ADAMTS2: variants seen among roughly 807,000 people sequenced by gnomAD.
ADAMTS2 encodes A disintegrin and metalloproteinase with thrombospondin motifs 2.
ADAMTS2 carries 50 observed loss-of-function variants against 123.0 expected under a neutral mutation model. The observed-to-expected ratio is 0.41, with a 90% CI of 0.32 to 0.51. The LOEUF (loss-of-function observed/expected upper bound fraction) is 0.51. Among genes scored for constraint, ADAMTS2 ranks in the 20% least tolerant of loss-of-function variants. ADAMTS2 has a pLI of 0.35. For synonymous variants in ADAMTS2, 678 were observed against 695.4 expected (o/e 0.98, Z 0.39); for missense variants, 1,494 against 1,705.2 (o/e 0.88, Z 2.18).
intron 20 of ADAMTS2, 113 bp downstream of exon 20, chr5:179,122,531 T>C (rs1293432665): frequency 2.8e-6 from 4 of 1,435,162 alleles, no homozygotes; most frequent in Non-Finnish European, 2.8e-6. Flanking sequence ...CTCACAGATG[T>C]TGAGTCCAGC....
intron 2 of ADAMTS2, among the ~76,000 whole-genome samples, chr5:179,330,132 CAAAAAAAAA>C (rs58696442): frequency 3.1e-5 from 3 of 96,880 alleles, no homozygotes; most frequent in Non-Finnish European, 4.2e-5. Flanking sequence ...GACTCCGTCT[CAAAAAAAAA>C]AAAAAAAAAA....
At chr5:179,172,497 G>A (rs545944507) in intron 5 of ADAMTS2, among the ~76,000 whole-genome samples, 19 of 152,368 alleles carry the variant, frequency 1.2e-4, no homozygotes, top group African/African-American at 3.1e-4. Context: ...ACCCAGGGGC[G>A]TGGGCTTCTC....
rs191728037 is a variant in ADAMTS2, at chr5:179,253,953, C to T, written c.688+18958G>A. Among the ~76,000 whole-genome samples the T allele has an allele frequency of 1.1e-4, 16 of 152,324 alleles. No homozygotes were observed. The East Asian group carries it at 2.7e-3, about 26-fold the overall frequency. On this transcript the variant is annotated intron_variant, in intron 3 of 21. Coordinates refer to ENST00000251582, the MANE Select transcript of ADAMTS2 (RefSeq NM_014244.5). Reference sequence around the variant, plus strand: ...TGCTGCTGTGTCCTGCACTACTCCACATTTCCCAGTTCAGAGGTGATCGGA... The same window carrying T: ...TGCTGCTGTGTCCTGCACTACTCCATATTTCCCAGTTCAGAGGTGATCGGA...
chr5:179,336,544 T>C (rs951053974), intron 2 of ADAMTS2, among the ~76,000 whole-genome samples: 24 of 151,604 alleles, frequency 1.6e-4, no homozygotes, highest in Admixed American at 9.8e-4. Flanking sequence ...AGGCACAGAG[T>C]TGCAGTTTAA....
At position 179,129,627 on chromosome 5, in the gene ADAMTS2, A is replaced by AG. The variant is rs1762924929; in HGVS notation, c.2457+304dup. On this transcript the variant is annotated intron_variant, in intron 16 of 21. Transcript: ENST00000251582. This position sits in a 1 kb window ranked among gnomAD's most constrained non-coding sequence, Gnocchi z 4.1. ...AGAGTGTCACCGATTCCAATGTAACAGCACACTCGAACGAGCATGCTGATG... is the reference window on the plus strand; with the variant it reads ...AGAGTGTCACCGATTCCAATGTAACAGGCACACTCGAACGAGCATGCTGATG... Among the ~76,000 whole-genome samples the AG allele has an allele frequency of 6.6e-6, 1 of 152,142 alleles. No homozygotes were observed. The highest frequency in any genetic ancestry group is 2.4e-5 in the African/African-American group (1 of 41,446).
At chr5:179,250,900 A>G (rs1765906386) in intron 3 of ADAMTS2, among the ~76,000 whole-genome samples, 1 of 152,216 alleles carries the variant, frequency 6.6e-6, no homozygotes, top group African/African-American at 2.4e-5. Flanking sequence ...TCCTGCCCGC[A>G]CATTGCTTCC....
In ADAMTS2 at chr5:179,345,257, C is replaced by CA; in HGVS notation, c.71_72insT (p.Pro25AlafsTer41). Reference sequence around the variant, plus strand: ...GCGGCGGCGGCGGCAGGAGCGGCGGCGGCAGCAGCAGCAGCAGCAGCAGCA... The same window carrying CA: ...GCGGCGGCGGCGGCAGGAGCGGCGGCAGGCAGCAGCAGCAGCAGCAGCAGCA... On this transcript the variant is annotated frameshift_variant, in exon 1 of 22. Coordinates refer to ENST00000251582, the MANE Select transcript of ADAMTS2 (RefSeq NM_014244.5). LOFTEE classifies it high-confidence loss of function. The surrounding 1 kb of genome is among the most constrained non-coding windows in gnomAD (Gnocchi z 7.5). 1 of 1,149,474 alleles carries CA rather than the reference C, an allele frequency of 8.7e-7. No homozygotes were observed. The highest frequency in any genetic ancestry group is 4.2e-5 in the South Asian group (1 of 23,930). The allele number at this position is 1,149,474 out of a possible 1,614,324, so 71.2% of individuals were successfully genotyped here.
At chr5:179,300,328 T>C (rs1419690096) in intron 2 of ADAMTS2, among the ~76,000 whole-genome samples, 1 of 152,214 alleles carries the variant, frequency 6.6e-6, no homozygotes, top group Non-Finnish European at 1.5e-5. Context: ...GATTTCATGG[T>C]TTTTGCTTTC....
At chr5:179,238,594 A>T (rs1192271210) in intron 3 of ADAMTS2, among the ~76,000 whole-genome samples, 1 of 152,040 alleles carries the variant, frequency 6.6e-6, no homozygotes, top group African/African-American at 2.4e-5. Context: ...GGGTGAGCTG[A>T]GGGTGTCTAG....
chr5:179,329,326 C>CAAAAAAAAAAAA (rs79153534), intron 2 of ADAMTS2, among the ~76,000 whole-genome samples: 1 of 85,720 alleles, frequency 1.2e-5, no homozygotes, highest in African/African-American at 3.8e-5. Context: ...GACTCCGTCT[C>CAAAAAAAAAAAA]AAAAAAAAAA....
Position 179,308,410 on chromosome 5 carries a change from G to A in ADAMTS2, c.535-35346C>T, listed in dbSNP as rs1350726763. On this transcript the variant is annotated intron_variant, in intron 2 of 21. Coordinates refer to ENST00000251582, the MANE Select transcript of ADAMTS2 (RefSeq NM_014244.5). This position sits in a 1 kb window ranked among gnomAD's most constrained non-coding sequence, Gnocchi z 6.6. ...GAAAGGTCACGCACGCCAGCTGGAA[G>A]GGGAGCCGCGCAGCCCCTGGGCAGG... 6.6e-6 allele frequency among the ~76,000 whole-genome samples: 1 copy of A among 152,174 alleles called. No individual in the cohort carries two copies. Among genetic ancestry groups the A allele is most frequent in the Non-Finnish European group, 1.5e-5 (1 of 68,024 alleles).
At position 179,260,320 on chromosome 5, in the gene ADAMTS2, C is replaced by A. The variant is rs1016042687; in HGVS notation, c.688+12591G>T. ...TATTCTTTCTTTTCACGGATATTTA[C>A]GCACCAACCGTGTGCCAGGCATTCC... On this transcript the variant is annotated intron_variant, in intron 3 of 21. Coordinates refer to ENST00000251582, the MANE Select transcript of ADAMTS2 (RefSeq NM_014244.5). This position sits in a 1 kb window ranked among gnomAD's most constrained non-coding sequence, Gnocchi z 4.2. 1.3e-5 allele frequency among the ~76,000 whole-genome samples: 2 copies of A among 152,218 alleles called. No individual in the cohort carries two copies. The highest frequency in any genetic ancestry group is 1.3e-4 in the Admixed American group (2 of 15,286).
At chr5:179,320,418 C>G (rs1757133032) in intron 2 of ADAMTS2, among the ~76,000 whole-genome samples, 1 of 152,222 alleles carries the variant, frequency 6.6e-6, no homozygotes, top group Non-Finnish European at 1.5e-5. Context: ...CACCATTTTC[C>G]TGCCTCAGCC....
In ADAMTS2 at chr5:179,128,583, G is replaced by A. The variant is rs1762902110; in HGVS notation, c.2458-465C>T. The stretch of plus-strand genomic sequence containing the variant: ...AATTTTTGTATTTTTAGTAGAGACA[G>A]GGCTTCCCCATGTTGGCCAGGCTGG... On this transcript the variant is annotated intron_variant, in intron 16 of 21. Transcript: ENST00000251582. This position sits in a 1 kb window ranked among gnomAD's most constrained non-coding sequence, Gnocchi z 4.9. Among the ~76,000 whole-genome samples, 1 of 152,086 alleles carries A rather than the reference G, an allele frequency of 6.6e-6. No individual in the cohort carries two copies. The highest frequency in any genetic ancestry group is 6.6e-5 in the Admixed American group (1 of 15,262).
At chr5:179,168,516 C>T (rs1763754873) in intron 5 of ADAMTS2, among the ~76,000 whole-genome samples, 1 of 152,202 alleles carries the variant, frequency 6.6e-6, no homozygotes, top group Non-Finnish European at 1.5e-5. Context: ...GGGGTGAGGG[C>T]ATAAAGTCAC....
chr5:179,156,961 CTTTTTTT>C (rs70997667), intron 6 of ADAMTS2, among the ~76,000 whole-genome samples: 60 of 108,390 alleles, frequency 5.5e-4, no homozygotes, highest in Non-Finnish European at 9.1e-4. Flanking sequence ...TTCATTTTTT[CTTTTTTT>C]TTTTTTTTTT....
intron 3 of ADAMTS2, among the ~76,000 whole-genome samples, chr5:179,211,133 A>G (rs1463473666): frequency 6.6e-6 from 1 of 152,214 alleles, no homozygotes; most frequent in Non-Finnish European, 1.5e-5. Context: ...CCTCCAAGGC[A>G]GAAGAGGGCT....
chr5:179,137,098 G>A (rs965282165), intron 12 of ADAMTS2, among the ~76,000 whole-genome samples: 5 of 152,140 alleles, frequency 3.3e-5, no homozygotes, highest in South Asian at 2.1e-4. Context: ...CAACTAAAAC[G>A]CTGGGCCCCC....
At position 179,111,308 on chromosome 5, in the gene ADAMTS2, C is replaced by T. The variant is rs1414080851; in HGVS notation, c.*2559G>A. On this transcript the variant is annotated 3_prime_UTR_variant, in exon 22 of 22. Coordinates refer to ENST00000251582, the MANE Select transcript of ADAMTS2 (RefSeq NM_014244.5). ...CAGCTAGAAGACATCTGTCTGCCTC[C>T]TCTGGGCGCCAGGAGCCCCTCAGAT... The T allele has an allele frequency of 1.3e-5, 2 of 152,248 alleles. No homozygotes were observed. Among genetic ancestry groups the T allele is most frequent in the African/African-American group, 4.8e-5 (2 of 41,464 alleles). 9.4% of individuals were successfully genotyped at this position (152,248 alleles called of 1,614,324 possible).
Sources: gnomAD v4.1 joint callset for allele counts (sites outside exome capture counted in the v4.1 genomes callset) on GRCh38, gnomAD v4.1.1 for gene constraint, Gnocchi (gnomAD v3.1) non-coding constraint, MANE v1.5 for transcripts, NCBI Gene and HGNC (gene_info 2026-07-23, HGNC 2026-07-21) for gene names.